The following SUPV3L1 variants were observed in gnomAD, a reference collection of about 807,000 sequenced individuals.
SUPV3L1 encodes Suv3 like RNA helicase.
SUPV3L1 carries 35 observed loss-of-function variants against 70.0 expected under a neutral mutation model. The observed-to-expected ratio is 0.50, with a 90% CI of 0.38 to 0.66. SUPV3L1 has a LOEUF of 0.66. SUPV3L1 is among the 30% of genes least tolerant of loss of function. The pLI is 0.00. For missense variants in SUPV3L1, 777 were observed against 961.5 expected (o/e 0.81, Z 2.54); for synonymous variants, 364 against 341.9 (o/e 1.06, Z -0.71).
chr10:69,187,501 A>T (rs371330470), intron 3 of SUPV3L1, 141 bp from the exon 4 acceptor site: 10 of 567,298 alleles, frequency 1.8e-5, no homozygotes, highest in African/African-American at 7.6e-5. Context: ...TGTTGACGTG[A>T]GCTACTGTGC....
intron 5 of SUPV3L1, among the ~76,000 whole-genome samples, chr10:69,191,255 A>G (rs1842387960): frequency 1.6e-5 from 2 of 127,736 alleles, no homozygotes; most frequent in South Asian, 2.5e-4. Flanking sequence ...TTTTTTTGAG[A>G]CAGTCTTGCT....
chr10:69,199,947 C>T (rs927740477), intron 10 of SUPV3L1, among the ~76,000 whole-genome samples: 4 of 152,102 alleles, frequency 2.6e-5, no homozygotes, highest in African/African-American at 4.8e-5. Flanking sequence ...TGGGCTCAAG[C>T]GGTCTTTGTG....
At position 69,187,744 on chromosome 10, in the gene SUPV3L1, T is replaced by C. The variant is rs752943377; in HGVS notation, c.560T>C (p.Ile187Thr). The change falls in exon 4 of 15, where the codon ATA becomes ACA. Residue 187 changes from isoleucine (I) to threonine (T), a missense_variant. Ile to Thr is a moderately conservative substitution (Grantham distance 89). This residue lies in a region of SUPV3L1 where 619 missense variants were observed against 823.3 expected (regional missense o/e 0.75). Coordinates refer to ENST00000359655, the MANE Select transcript of SUPV3L1 (RefSeq NM_003171.5). ...CTACGTAAAATCAGTGACTTAAGAA[T>C]ACCACCTAACTGGTTAGTTTCTCCA... ...DDLRKISDLR[I>T]PPNWYPDARA... 5.6e-6 allele frequency: 9 copies of C among 1,605,548 alleles called. No homozygotes were observed. In the Admixed American group the frequency reaches 1.0e-4, roughly 18 times the overall value.
rs751584797 is a variant in SUPV3L1, at chr10:69,202,527, GA to G, written c.1599+11del. ...ACACTGTCCAATCTCATTGTAAGTG[GA>G]AACTCCCTTTCACATCTCCCCTAAA... On this transcript the variant is annotated intron_variant, in intron 12 of 14. Coordinates refer to ENST00000359655, the MANE Select transcript of SUPV3L1 (RefSeq NM_003171.5). 52 of 1,608,644 alleles carry G rather than the reference GA, an allele frequency of 3.2e-5. No homozygotes were observed. In the African/African-American group the frequency reaches 6.4e-4, roughly 20 times the overall value.
intron 5 of SUPV3L1, 102 bp downstream of exon 5, chr10:69,189,537 C>A: frequency 2.5e-6 from 3 of 1,223,882 alleles, no homozygotes; most frequent in Non-Finnish European, 3.3e-6. Context: ...CAAGAAATTA[C>A]CATATTTCAT....
rs768507398 is a variant in SUPV3L1 at position 69,180,271 on chromosome 10, A to G, written c.-21A>G. 7.5e-6 allele frequency: 12 copies of G among 1,605,818 alleles called. No homozygotes were observed. The highest frequency in any genetic ancestry group is 5.1e-5 in the Admixed American group (3 of 59,392). On this transcript the variant is annotated 5_prime_UTR_variant, in exon 1 of 15. Transcript: ENST00000359655. ...CGCCGTGTCCGCGGCTGCGCCAGAC[A>G]GTGTAGAACCTGCGGCCTCGATGTC...
intron 6 of SUPV3L1, chr10:69,193,260 G>A (rs1355991793): frequency 2.1e-5 from 1 of 47,382 alleles, no homozygotes; most frequent in Non-Finnish European, 9.4e-5. Flanking sequence ...TAAACAAATA[G>A]GAAGGTACTT....
chr10:69,190,180 C>T (rs1055290745), intron 5 of SUPV3L1, among the ~76,000 whole-genome samples: 1 of 152,204 alleles, frequency 6.6e-6, no homozygotes, highest in Non-Finnish European at 1.5e-5. Context: ...TCTCAAAACT[C>T]TGTAGTCCTT....
intron 11 of SUPV3L1, 88 bp downstream of exon 11, chr10:69,200,587 A>C: frequency 8.8e-7 from 1 of 1,139,216 alleles, no homozygotes; most frequent in Non-Finnish European, 1.2e-6. Context: ...CCTCAGACAC[A>C]TTTCTGGATA....
Position 69,189,383 on chromosome 10 carries a change from G to A in SUPV3L1, c.689G>A (p.Cys230Tyr). Residue 230 changes from cysteine (C) to tyrosine (Y), a missense_variant, in exon 5 of 15, where the codon TGT (cysteine) becomes TAT (tyrosine). Cys to Tyr is a radical substitution (Grantham distance 194). Around this residue, in one of 2 missense-constraint regions of SUPV3L1, gnomAD observed 619 missense variants for 823.3 expected, o/e 0.75. Transcript: ENST00000359655. ...TTCTCAGCAAAGTCTGGAGTGTATT[G>A]TGGCCCTCTAAAATTACTGGCACAT... ...KYFSAKSGVY[C>Y]GPLKLLAHEI... 6.2e-7 allele frequency: 1 copy of A among 1,613,534 alleles called. No homozygotes were observed. The highest frequency in any genetic ancestry group is 8.5e-7 in the Non-Finnish European group (1 of 1,179,756).
intron 6 of SUPV3L1, 107 bp from the exon 7 acceptor site, chr10:69,195,081 A>G (rs1231136552): frequency 1.3e-6 from 1 of 751,284 alleles, no homozygotes; most frequent in Non-Finnish European, 2.1e-6. Flanking sequence ...GAACCCAGTA[A>G]GTGATGGTGG....
intron 6 of SUPV3L1, chr10:69,193,024 G>A (rs979848598): frequency 1.3e-5 from 2 of 152,094 alleles, no homozygotes; most frequent in African/African-American, 4.8e-5. Context: ...TAACATTTAA[G>A]TGAAAATTAA....
In SUPV3L1 at chr10:69,186,509, T is replaced by C; in HGVS notation, c.416T>C (p.Val139Ala). The C allele has an allele frequency of 1.9e-6, 3 of 1,614,056 alleles. No homozygotes were observed. The highest frequency in any genetic ancestry group is 2.5e-6 in the Non-Finnish European group (3 of 1,179,984). The change falls in exon 3 of 15, where the codon GTG becomes GCG. Residue 139 changes from valine (V) to alanine (A), a missense_variant. Val to Ala is a moderately conservative substitution (Grantham distance 64). Coordinates refer to ENST00000359655, the MANE Select transcript of SUPV3L1 (RefSeq NM_003171.5). Reference protein sequence around the residue: ...NYIMQSHSLDVDIHIVLNDIC... With the variant: ...NYIMQSHSLDADIHIVLNDIC... ...ATTATGCAGTCTCATTCCCTGGATGTGGACATTCACATTGTTTTGAATGAT... is the reference window on the plus strand; with the variant it reads ...ATTATGCAGTCTCATTCCCTGGATGCGGACATTCACATTGTTTTGAATGAT...
chr10:69,199,040 G>T, intron 9 of SUPV3L1, 64 bp from the exon 10 acceptor site: 1 of 1,275,040 alleles, frequency 7.8e-7, no homozygotes, highest in Non-Finnish European at 1.1e-6. Context: ...TTTCCAAGAT[G>T]TACTTAGCTT....
At chr10:69,200,552 C>G (rs1842659099) in intron 11 of SUPV3L1, 53 bp downstream of exon 11, 1 of 1,434,372 alleles carries the variant, frequency 7.0e-7, no homozygotes, top group Non-Finnish European at 9.7e-7. Flanking sequence ...GTCATTCTTT[C>G]CCTCACCCAC....
intron 8 of SUPV3L1, 96 bp from the exon 9 acceptor site, chr10:69,198,276 G>T: frequency 9.1e-7 from 1 of 1,094,032 alleles, no homozygotes; most frequent in East Asian, 2.6e-5. Context: ...TCAGTTTTTA[G>T]CTACTCTTAA....
In SUPV3L1 at chr10:69,208,596, C is replaced by T; in HGVS notation, c.1926-4C>T. On this transcript the variant is annotated splice_region_variant and splice_polypyrimidine_tract_variant and intron_variant, in intron 14 of 14. Coordinates refer to ENST00000359655, the MANE Select transcript of SUPV3L1 (RefSeq NM_003171.5). ...GCTATAATGCTAATGTGTCTTTTTC[C>T]CAGCTACCGATTTATGGATATGTTT... is the stretch of plus-strand genomic sequence containing the variant. 1 of 1,607,584 alleles carries T rather than the reference C, an allele frequency of 6.2e-7. No individual in the cohort carries two copies. Among genetic ancestry groups the T allele is most frequent in the African/African-American group, 1.3e-5 (1 of 74,740 alleles).
Position 69,186,614 on chromosome 10 carries a change from T to C in SUPV3L1, c.457+64T>C. 4 of 1,372,948 alleles carry C rather than the reference T, an allele frequency of 2.9e-6. No homozygotes were observed. The South Asian group carries it at 3.6e-5, about 12-fold the overall frequency. 85.0% of individuals were successfully genotyped at this position (1,372,948 alleles called of 1,614,324 possible). A position where few individuals can be genotyped will look rare whatever the true frequency, so the allele number is the denominator to read the frequency against. On this transcript the variant is annotated intron_variant, in intron 3 of 14. Coordinates refer to ENST00000359655, the MANE Select transcript of SUPV3L1 (RefSeq NM_003171.5). ...ACCTTCTATTTCTTCTCATACTTCA[T>C]GCTCATTTCTCTAGAAGGGCTTATT... is the stretch of plus-strand genomic sequence containing the variant.
At position 69,195,206 on chromosome 10, in the gene SUPV3L1, A is replaced by G. The variant is rs917236757; in HGVS notation, c.872A>G (p.Asp291Gly). ...VTTPYEVAVI[D>G]EIQMIRDPAR... Reference sequence around the variant, plus strand: ...TTTTAAGATGAAGTGGCTGTAATTGATGAAATTCAAATGATTAGAGATCCA... The same window carrying G: ...TTTTAAGATGAAGTGGCTGTAATTGGTGAAATTCAAATGATTAGAGATCCA... Residue 291 changes from aspartate (D) to glycine (G), a missense_variant, in exon 7 of 15, where the codon GAT (aspartate) becomes GGT (glycine). Physicochemically the swap from Asp to Gly is moderately conservative, Grantham distance 94. Transcript: ENST00000359655. 6.2e-7 allele frequency: 1 copy of G among 1,612,508 alleles called. No homozygotes were observed. The highest frequency in any genetic ancestry group is 1.3e-5 in the African/African-American group (1 of 74,860).
Sources: allele counts gnomAD v4.1 joint callset (sites outside exome capture counted in the v4.1 genomes callset), GRCh38; gene constraint gnomAD v4.1.1; regional missense constraint gnomAD v4.1.1; transcripts MANE v1.5; gene names NCBI Gene and HGNC (gene_info 2026-07-23, HGNC 2026-07-21).